PPP1R37: variants seen among roughly 807,000 people sequenced by gnomAD.
PPP1R37 encodes protein phosphatase 1 regulatory subunit 37.
A neutral mutation model predicts 61.0 loss-of-function variants in PPP1R37; 21 were observed. The ratio of observed to expected loss-of-function variants is 0.34; its 90% confidence interval spans 0.24 to 0.50. The LOEUF is 0.50. Among genes scored for constraint, PPP1R37 ranks in the 20% least tolerant of loss-of-function variants. PPP1R37 has a pLI of 0.98. For synonymous variants in PPP1R37, 443 were observed against 433.5 expected, an observed-to-expected ratio of 1.02 and a Z score of -0.27; for missense variants, 910 against 952.7, an observed-to-expected ratio of 0.96 and a Z score of 0.59.
intron 4 of PPP1R37, 81 bp downstream of exon 4, chr19:45,140,687 G>A: frequency 9.5e-7 from 1 of 1,051,274 alleles, no homozygotes; most frequent in Non-Finnish European, 1.4e-6. Context: ...GGACACTGCA[G>A]GAGGAGGGGG....
chr19:45,142,741 G>C (rs181258954), intron 7 of PPP1R37: 2 of 461,050 alleles, frequency 4.3e-6, no homozygotes, highest in Admixed American at 3.8e-5. Flanking sequence ...GAGGCGAAGT[G>C]AATAATTACA....
At chr19:45,093,586 T>TCGGTG in intron 1 of PPP1R37, 59 bp downstream of exon 1, 2 of 1,384,626 alleles carry the variant, frequency 1.4e-6, no homozygotes, top group Non-Finnish European at 2.0e-6. Flanking sequence ...TCGGGAGGGA[T>TCGGTG]CGGTGCAGGG....
At chr19:45,094,524 T>TA (rs149151450) in intron 1 of PPP1R37, among the ~76,000 whole-genome samples, 15,015 of 151,918 alleles carry the variant, frequency 0.099, 842 homozygotes, top group South Asian at 0.13. Flanking sequence ...GTCAGGAGTT[T>TA]AAAACCAGCC....
intron 1 of PPP1R37, among the ~76,000 whole-genome samples, chr19:45,128,054 A>C (rs1247095410): frequency 2.0e-5 from 3 of 152,180 alleles, no homozygotes; most frequent in African/African-American, 7.2e-5. Context: ...CATTTATCGA[A>C]ATACCACATG....
chr19:45,112,854 A>G (rs546457933), intron 1 of PPP1R37, among the ~76,000 whole-genome samples: 1 of 152,216 alleles, frequency 6.6e-6, no homozygotes, highest in South Asian at 2.1e-4. Context: ...TGAAGCAGGT[A>G]CTGTTGAGCT....
intron 1 of PPP1R37, among the ~76,000 whole-genome samples, chr19:45,124,547 C>T (rs187494134): frequency 2.4e-4 from 37 of 152,246 alleles, no homozygotes; most frequent in African/African-American, 8.7e-4. Context: ...TGCACGGCCC[C>T]CTCCTCGCTC....
chr19:45,095,827 G>T (rs924596391), intron 1 of PPP1R37, among the ~76,000 whole-genome samples: 2 of 151,912 alleles, frequency 1.3e-5, no homozygotes, highest in Admixed American at 1.3e-4. Flanking sequence ...TAGGCCCCAG[G>T]GATAGGTGGT....
rs560344943 is a variant in PPP1R37, at chr19:45,145,943, A to G, written c.1887A>G (p.Ser629=). The part of the protein sequence containing the change: ...EPQPPPEPPR[S]GPPLPNGLKP... ...AGCCACCACCGGAGCCGCCTCGGTC[A>G]GGGCCACCACTGCCCAACGGCCTGA... is the stretch of plus-strand genomic sequence containing the variant. Residue 629 remains serine (S), a synonymous_variant, in exon 11 of 13, where the codon TCA becomes TCG. Coordinates refer to ENST00000221462, the MANE Select transcript of PPP1R37 (RefSeq NM_019121.2). 3 of 1,534,556 alleles carry G rather than the reference A, an allele frequency of 2.0e-6. No homozygotes were observed. In the East Asian group the frequency reaches 7.3e-5, roughly 38 times the overall value.
Position 45,145,812 on chromosome 19 carries a change from T to TGGGC in PPP1R37, c.1756_1757insGGGC (p.Ser586TrpfsTer27). The TGGGC allele has an allele frequency of 1.6e-6, 2 of 1,227,556 alleles. No individual in the cohort carries two copies. The highest frequency in any genetic ancestry group is 2.2e-6 in the Non-Finnish European group (2 of 922,036). 76.0% of individuals were successfully genotyped at this position (1,227,556 alleles called of 1,614,324 possible). A position where few individuals can be genotyped will look rare whatever the true frequency, so the allele number is the denominator to read the frequency against. On this transcript the variant is annotated frameshift_variant, in exon 11 of 13. Coordinates refer to ENST00000221462, the MANE Select transcript of PPP1R37 (RefSeq NM_019121.2). LOFTEE classifies it high-confidence loss of function. ...GCCCGAGAGGGCAGAGCCCCCTGCGTCCCCCACCCCTCCCTCTCCCCCACC... is the reference window on the plus strand; with the variant it reads ...GCCCGAGAGGGCAGAGCCCCCTGCGTGGGCCCCCCACCCCTCCCTCTCCCCCACC...
At chr19:45,116,227 T>A (rs1968265414) in intron 1 of PPP1R37, among the ~76,000 whole-genome samples, 2 of 152,226 alleles carry the variant, frequency 1.3e-5, no homozygotes, top group Non-Finnish European at 2.9e-5. Flanking sequence ...TAACAGGATC[T>A]TCAGCTGCGG....
chr19:45,131,577 A>G (rs1455212753), intron 1 of PPP1R37, among the ~76,000 whole-genome samples: 1 of 152,174 alleles, frequency 6.6e-6, no homozygotes, highest in African/African-American at 2.4e-5. Flanking sequence ...GAGCTGGCCA[A>G]GTGAAATTGT....
rs925049250 is a variant in PPP1R37 at position 45,146,663 on chromosome 19, A to T, written c.*101A>T. On this transcript the variant is annotated 3_prime_UTR_variant, in exon 13 of 13. Coordinates refer to ENST00000221462, the MANE Select transcript of PPP1R37 (RefSeq NM_019121.2). ...CAGCCTTCCTGAGGCCCAGGATGCCAGGGGTGGGGGCCATTCTGGGGCCCC... is the reference window on the plus strand; with the variant it reads ...CAGCCTTCCTGAGGCCCAGGATGCCTGGGGTGGGGGCCATTCTGGGGCCCC... 8.9e-6 allele frequency: 5 copies of T among 561,162 alleles called. No homozygotes were observed. The highest frequency in any genetic ancestry group is 1.6e-5 in the Non-Finnish European group (5 of 314,442). The allele number at this position is 561,162 out of a possible 1,614,324, so 34.8% of individuals were successfully genotyped here. A position where few individuals can be genotyped will look rare whatever the true frequency, so the allele number is the denominator to read the frequency against.
At chr19:45,101,519 AC>A (rs1461375540) in intron 1 of PPP1R37, among the ~76,000 whole-genome samples, 10 of 152,142 alleles carry the variant, frequency 6.6e-5, no homozygotes, top group Admixed American at 3.9e-4. Flanking sequence ...GGAGTTTAAG[AC>A]CAGCCTTGGC....
intron 1 of PPP1R37, among the ~76,000 whole-genome samples, chr19:45,108,515 T>A (rs981275452): frequency 2.0e-5 from 3 of 152,122 alleles, no homozygotes; most frequent in Non-Finnish European, 2.9e-5. Flanking sequence ...ACCAGATTTT[T>A]TTTTTAATGA....
chr19:45,116,665 C>T (rs994359408), intron 1 of PPP1R37, among the ~76,000 whole-genome samples: 3 of 152,182 alleles, frequency 2.0e-5, no homozygotes, highest in South Asian at 4.1e-4. Context: ...GAAGGGTGGA[C>T]GTTGTCTTCA....
At chr19:45,122,001 G>C (rs968017775) in intron 1 of PPP1R37, among the ~76,000 whole-genome samples, 1 of 152,178 alleles carries the variant, frequency 6.6e-6, no homozygotes, top group African/African-American at 2.4e-5. Context: ...CACATCCGCA[G>C]AGGTAGCGAG....
chr19:45,144,943 C>G lies in PPP1R37; in HGVS notation c.1077C>G (p.Ser359Arg). 1 of 1,535,752 alleles carries G rather than the reference C, an allele frequency of 6.5e-7. No individual in the cohort carries two copies. The change falls in exon 9 of 13, where the codon AGC (serine) becomes AGG (arginine). Residue 359 changes from serine (S) to arginine (R), a missense_variant. Ser to Arg is a moderately radical substitution (Grantham distance 110, BLOSUM62 -1). This residue lies in a region of PPP1R37 where 549 missense variants were observed against 505.1 expected (regional missense o/e 1.09). Coordinates refer to ENST00000221462, the MANE Select transcript of PPP1R37 (RefSeq NM_019121.2). ...GGCACCTCAAGAACGGGCTCATCAG[C>G]AACCGCAGCGTGCTGCGCCTCGGGC... ...GVRHLKNGLI[S>R]NRSVLRLGLA...
chr19:45,123,993 C>G (rs760331081), intron 1 of PPP1R37, among the ~76,000 whole-genome samples: 1 of 152,208 alleles, frequency 6.6e-6, no homozygotes, highest in African/African-American at 2.4e-5. Flanking sequence ...CTCACCTTCT[C>G]TGTGCCTGTC....
chr19:45,094,922 G>T (rs1214488071), intron 1 of PPP1R37, among the ~76,000 whole-genome samples: 1 of 152,154 alleles, frequency 6.6e-6, no homozygotes, highest in Non-Finnish European at 1.5e-5. Context: ...AAAGTGGAAA[G>T]TCGCTTGGGA....
Sources: gnomAD v4.1 joint callset for allele counts (sites outside exome capture counted in the v4.1 genomes callset) on GRCh38, gnomAD v4.1.1 for gene constraint, gnomAD v4.1.1 regional missense constraint, MANE v1.5 for transcripts, NCBI Gene and HGNC (gene_info 2026-07-23, HGNC 2026-07-21) for gene names.